Variants in TRIM24 observed in about 807,000 individuals in gnomAD.
TRIM24 encodes the protein tripartite motif containing 24.
In TRIM24, 29 loss-of-function variants were observed where a neutral mutation model predicts 123.9. That is an observed-to-expected ratio of 0.23 (90% confidence interval 0.17 to 0.32). The LOEUF (loss-of-function observed/expected upper bound fraction) is 0.32, where lower values mean the gene tolerates loss of function less well. TRIM24 is among the 10% of genes least tolerant of loss of function. TRIM24 has a pLI of 1.00. For missense variants in TRIM24, 932 were observed against 1,295.3 expected (o/e 0.72, Z 4.31); for synonymous variants, 456 against 461.1 (o/e 0.99, Z 0.14).
intron 9 of TRIM24, among the ~76,000 whole-genome samples, chr7:138,555,992 C>T (rs778065918): frequency 1.4e-4 from 22 of 152,108 alleles, no homozygotes; most frequent in Non-Finnish European, 2.8e-4. Flanking sequence ...AAACATTAGT[C>T]TGGATGAAGG....
chr7:138,547,957 T>C lies in TRIM24; in HGVS notation c.1144-3106T>C, dbSNP rs1347665736. On this transcript the variant is annotated intron_variant, in intron 7 of 18. Transcript: ENST00000343526. ...CCGTGCCTGGCCTATACGTATGTTT[T>C]AAAAGTATAGCCAACGGGATTTGCC... 2.0e-5 allele frequency among the ~76,000 whole-genome samples: 3 copies of C among 152,180 alleles called. No homozygotes were observed. The East Asian group carries it at 5.8e-4, about 29-fold the overall frequency.
intron 6 of TRIM24, among the ~76,000 whole-genome samples, chr7:138,536,947 T>A (rs1454825598): frequency 6.6e-6 from 1 of 152,214 alleles, no homozygotes; most frequent in Non-Finnish European, 1.5e-5. Flanking sequence ...GCTGCCGCCT[T>A]GCAGTTCGAT....
intron 1 of TRIM24, among the ~76,000 whole-genome samples, chr7:138,467,082 G>C (rs896936403): frequency 6.6e-6 from 1 of 152,174 alleles, no homozygotes; most frequent in South Asian, 2.1e-4. Context: ...TCAGCCATCT[G>C]TGTGTGGTCT....
At chr7:138,518,828 A>C (rs945250571) in intron 3 of TRIM24, among the ~76,000 whole-genome samples, 3 of 152,140 alleles carry the variant, frequency 2.0e-5, no homozygotes, top group Admixed American at 1.3e-4. Context: ...TTTTCAAAAA[A>C]TCTCCTCCCA....
chr7:138,502,724 T>C (rs1416652666), intron 1 of TRIM24, among the ~76,000 whole-genome samples: 1 of 152,192 alleles, frequency 6.6e-6, no homozygotes, highest in Admixed American at 6.5e-5. Flanking sequence ...TTCTCTGAAA[T>C]GCATTGTGAC....
intron 1 of TRIM24, among the ~76,000 whole-genome samples, chr7:138,475,666 A>G (rs1795381025): frequency 6.6e-6 from 1 of 152,278 alleles, no homozygotes. Context: ...GCGATGCACC[A>G]TACCCAGCTA....
At chr7:138,491,186 CTT>C (rs564220038) in intron 1 of TRIM24, 339 of 258,056 alleles carry the variant, frequency 1.3e-3, no homozygotes, top group Admixed American at 2.5e-3. Context: ...ACACATAACC[CTT>C]GAGACCATCA....
rs1326961726 is a variant in TRIM24 at position 138,585,263 on chromosome 7, A to G, written c.*312A>G. On this transcript the variant is annotated 3_prime_UTR_variant, in exon 19 of 19. Transcript: ENST00000343526. ...CCCACTTCTTGGATTTTTAAACCAC[A>G]GTCTGGAGTGATAGCTACTGTAGAA... is the stretch of plus-strand genomic sequence containing the variant. The G allele has an allele frequency of 7.3e-6, 2 of 274,888 alleles. No homozygotes were observed. Among genetic ancestry groups the G allele is most frequent in the Non-Finnish European group, 1.4e-5 (2 of 146,702 alleles). 17.0% of individuals were successfully genotyped at this position (274,888 alleles called of 1,614,324 possible).
chr7:138,541,202 A>G (rs1796996317), intron 7 of TRIM24, among the ~76,000 whole-genome samples: 1 of 151,966 alleles, frequency 6.6e-6, no homozygotes, highest in African/African-American at 2.4e-5. Context: ...CTATAATACA[A>G]CACTGAGAGG....
Position 138,584,869 on chromosome 7 carries a change from T to G in TRIM24, c.3071T>G (p.Phe1024Cys). ...AGGAATGAATCAGAAGATAATAAAT[T>G]TAGTGATGATTCAGATGATGACTTT... The part of the protein sequence containing the change: ...EFRNESEDNK[F>C]SDDSDDDFVQ... The change falls in exon 19 of 19, where the codon TTT (phenylalanine) becomes TGT (cysteine). Residue 1024 changes from phenylalanine to cysteine, a missense_variant. Physicochemically the swap from Phe to Cys is radical, Grantham distance 205. Coordinates refer to ENST00000343526, the MANE Select transcript of TRIM24 (RefSeq NM_015905.3). 6.2e-7 allele frequency: 1 copy of G among 1,613,796 alleles called. No homozygotes were observed. Among genetic ancestry groups the G allele is most frequent in the Non-Finnish European group, 8.5e-7 (1 of 1,179,850 alleles).
chr7:138,550,531 G>A lies in TRIM24; in HGVS notation c.1144-532G>A, dbSNP rs1358673892. ...GGAGAATGAGTAGATGTTCATTGAT[G>A]ACTGCAGCGTGGAGGAAAGTGGATG... On this transcript the variant is annotated intron_variant, in intron 7 of 18. Transcript: ENST00000343526. 7.2e-5 allele frequency among the ~76,000 whole-genome samples: 11 copies of A among 152,094 alleles called. 1 individual carries two copies. The highest frequency in any genetic ancestry group is 7.2e-4 in the Admixed American group (11 of 15,268).
At chr7:138,572,824 A>G (rs1351762437) in intron 11 of TRIM24, among the ~76,000 whole-genome samples, 2 of 152,234 alleles carry the variant, frequency 1.3e-5, no homozygotes, top group African/African-American at 4.8e-5. Context: ...ACTCTTACTC[A>G]TTAGGGATTT....
chr7:138,523,595 C>A lies in TRIM24; in HGVS notation c.765-1646C>A, dbSNP rs549918061. Among the ~76,000 whole-genome samples, 242 of 151,864 alleles carry A rather than the reference C, an allele frequency of 1.6e-3. 1 individual carries two copies. The highest frequency in any genetic ancestry group is 8.8e-3 in the Admixed American group (134 of 15,254). ...ATGGTGAAACCCCGTCTCTACTAAACATACAAAAAATTAGCCAGGCGTGGT... is the reference window on the plus strand; with the variant it reads ...ATGGTGAAACCCCGTCTCTACTAAAAATACAAAAAATTAGCCAGGCGTGGT... On this transcript the variant is annotated intron_variant, in intron 4 of 18. Coordinates refer to ENST00000343526, the MANE Select transcript of TRIM24 (RefSeq NM_015905.3).
At chr7:138,516,975 T>C (rs1055546045) in intron 3 of TRIM24, among the ~76,000 whole-genome samples, 1 of 151,928 alleles carries the variant, frequency 6.6e-6, no homozygotes, top group Non-Finnish European at 1.5e-5. Flanking sequence ...GATAGTTACA[T>C]GCCTGTAATC....
intron 4 of TRIM24, 126 bp downstream of exon 4, chr7:138,519,447 G>C (rs1796463164): frequency 9.4e-7 from 1 of 1,061,404 alleles, no homozygotes. Context: ...ATGCTGGCCT[G>C]TACTGGGGTT....
chr7:138,488,108 T>G (rs1795689328), intron 1 of TRIM24, among the ~76,000 whole-genome samples: 3 of 152,208 alleles, frequency 2.0e-5, no homozygotes, highest in Admixed American at 6.5e-5. Context: ...CCATTTCTTC[T>G]AGATTTTCTA....
intron 6 of TRIM24, among the ~76,000 whole-genome samples, chr7:138,529,741 A>G (rs1411061458): frequency 6.6e-6 from 1 of 152,216 alleles, no homozygotes; most frequent in African/African-American, 2.4e-5. Flanking sequence ...CACTGCAGGT[A>G]AGAAAAACAT....
At chr7:138,569,398 T>C (rs1259154093) in intron 10 of TRIM24, among the ~76,000 whole-genome samples, 1 of 152,222 alleles carries the variant, frequency 6.6e-6, no homozygotes, top group Non-Finnish European at 1.5e-5. Context: ...TTTAACAAAT[T>C]AGAGTATACT....
At chr7:138,560,763 A>G (rs898716001) in intron 9 of TRIM24, among the ~76,000 whole-genome samples, 2 of 152,164 alleles carry the variant, frequency 1.3e-5, no homozygotes, top group African/African-American at 4.8e-5. Context: ...TCTTCAATGT[A>G]ATGTCCAGTC....
Sources: gnomAD v4.1 joint callset for allele counts (sites outside exome capture counted in the v4.1 genomes callset) on GRCh38, gnomAD v4.1.1 for gene constraint, MANE v1.5 for transcripts, NCBI Gene and HGNC (gene_info 2026-07-23, HGNC 2026-07-21) for gene names.